Variants in PYCR3 observed in about 807,000 individuals in gnomAD.
PYCR3 encodes pyrroline-5-carboxylate reductase 3.
In PYCR3, 26 loss-of-function variants were observed where a neutral mutation model predicts 23.4. That is an observed-to-expected ratio of 1.11 (90% confidence interval 0.81 to 1.54). The LOEUF (loss-of-function observed/expected upper bound fraction) is 1.54, where lower values mean the gene tolerates loss of function less well. Ranked by LOEUF, PYCR3 falls within the 40% of genes most tolerant of loss-of-function variation. The pLI, the probability that PYCR3 is intolerant of heterozygous loss-of-function variation, is 0.00. For synonymous variants in PYCR3, 194 were observed against 162.6 expected, an observed-to-expected ratio of 1.19 and a Z score of -1.47; for missense variants, 360 against 376.3, an observed-to-expected ratio of 0.96 and a Z score of 0.36.
In PYCR3 at chr8:143,605,628, C is replaced by T. The variant is rs1442654451; in HGVS notation, c.*72G>A. On this transcript the variant is annotated 3_prime_UTR_variant, in exon 6 of 6. Coordinates refer to ENST00000495276, the MANE Select transcript of PYCR3 (RefSeq NM_023078.6). ...GACCCTCATGCAGGAGGGAGGGAGC[C>T]GCAGTCCTCAGGGGAAGGGACACAG... The T allele has an allele frequency of 1.5e-5, 20 of 1,377,604 alleles. 1 individual carries two copies. The highest frequency in any genetic ancestry group is 1.1e-4 in the South Asian group (8 of 75,412). The allele number at this position is 1,377,604 out of a possible 1,614,324, so 85.3% of individuals were successfully genotyped here.
Position 143,605,361 on chromosome 8 carries a change from T to A in PYCR3, c.*339A>T, listed in dbSNP as rs559818784. On this transcript the variant is annotated 3_prime_UTR_variant, in exon 6 of 6. Coordinates refer to ENST00000495276, the MANE Select transcript of PYCR3 (RefSeq NM_023078.6). ...TGCCTGTTACCGTAAGTTCTGTTCA[T>A]GGCCTCAACCAACTGCCCAACCATG... 1 of 392,110 alleles carries A rather than the reference T, an allele frequency of 2.6e-6. No homozygotes were observed. Among genetic ancestry groups the A allele is most frequent in the Non-Finnish European group, 4.7e-6 (1 of 212,892 alleles). 24.3% of individuals were successfully genotyped at this position (392,110 alleles called of 1,614,324 possible).
rs1223826519 is a variant in PYCR3, at chr8:143,608,076, G to A, written c.142C>T (p.Leu48=). The A allele has an allele frequency of 3.1e-6, 5 of 1,613,660 alleles. No homozygotes were observed. Among genetic ancestry groups the A allele is most frequent in the Non-Finnish European group, 2.5e-6 (3 of 1,179,640 alleles). The change falls in exon 2 of 6, where the codon CTA becomes TTA. Residue 48 remains leucine (L), a synonymous_variant. Transcript: ENST00000495276. ...TCTATGCTCACTTGAAAGTGACATAGGTTCCTGTCTGTTGGTGCACTGGCC... is the reference window on the plus strand; with the variant it reads ...TCTATGCTCACTTGAAAGTGACATAAGTTCCTGTCTGTTGGTGCACTGGCC... ...ILASAPTDRN[L]CHFQALGCRT...
At chr8:143,609,413 G>A (rs761939240) in intron 1 of PYCR3, 45 bp downstream of exon 1, 8 of 1,456,348 alleles carry the variant, frequency 5.5e-6, no homozygotes, top group Non-Finnish European at 7.2e-6. Flanking sequence ...CTCCCACGGG[G>A]CTGCTCCCAC....
Position 143,606,118 on chromosome 8 carries a change from C to A in PYCR3, c.586G>T (p.Val196Phe). ...AFSEALAEGA[V>F]KMGMPSSLAH... is the part of the protein sequence containing the mutation. The stretch of plus-strand genomic sequence containing the variant: ...AGGCTGCTGGGCATGCCCATCTTGA[C>A]GGCTCCTTCAGCCAGGGCCTCGGAG... Residue 196 changes from valine to phenylalanine, a missense_variant, in exon 5 of 6, where the codon GTC (valine) becomes TTC (phenylalanine). Coordinates refer to ENST00000495276, the MANE Select transcript of PYCR3 (RefSeq NM_023078.6). The A allele has an allele frequency of 6.2e-7, 1 of 1,610,692 alleles. No individual in the cohort carries two copies. The highest frequency in any genetic ancestry group is 8.5e-7 in the Non-Finnish European group (1 of 1,179,154).
rs142512194 is a variant in PYCR3 at position 143,606,505 on chromosome 8, C to A, written c.511G>T (p.Asp171Tyr). 1.2e-6 allele frequency: 2 copies of A among 1,612,804 alleles called. No individual in the cohort carries two copies. Among genetic ancestry groups the A allele is most frequent in the Admixed American group, 1.7e-5 (1 of 60,002 alleles). The part of the protein sequence containing the change: ...RCEEVPEAYV[D>Y]IHTGLSGSGV... ...CTGCCACTGAGGCCAGTGTGGATGT[C>A]GACGTAGGCTTCAGGCACCTCCTCA... is the stretch of plus-strand genomic sequence containing the variant. The change falls in exon 4 of 6, where the codon GAC becomes TAC. Residue 171 changes from aspartate (D) to tyrosine (Y), a missense_variant. Transcript: ENST00000495276.
chr8:143,606,710 C>G, intron 3 of PYCR3, 31 bp from the exon 4 acceptor site: 1 of 1,555,570 alleles, frequency 6.4e-7, no homozygotes, highest in Non-Finnish European at 8.7e-7. Context: ...ATCAGGGAGT[C>G]TGTAGGACTG....
At position 143,603,700 on chromosome 8, in the gene PYCR3, G is replaced by C. The variant is rs1016148184; in HGVS notation, c.*2000C>G. 1.3e-5 allele frequency among the ~76,000 whole-genome samples: 2 copies of C among 152,194 alleles called. No individual in the cohort carries two copies. Among genetic ancestry groups the C allele is most frequent in the Non-Finnish European group, 2.9e-5 (2 of 68,028 alleles). On this transcript the variant is annotated 3_prime_UTR_variant, in exon 6 of 6. Transcript: ENST00000495276. ...ACCCCAGGCTCCCAGGCCTGCCCAG[G>C]CTTGGCATACAGTCCCCTGGGGTGA...
chr8:143,606,218 G>A, intron 4 of PYCR3, 64 bp from the exon 5 acceptor site: 1 of 1,480,126 alleles, frequency 6.8e-7, no homozygotes, highest in South Asian at 1.2e-5. Flanking sequence ...AGGACCTTCA[G>A]GAACAATGCC....
At chr8:143,608,816 C>T (rs1477811800) in intron 1 of PYCR3, 1 of 456,592 alleles carries the variant, frequency 2.2e-6, no homozygotes. Context: ...GGGAAGACTC[C>T]TGAGACTCAT....
intron 1 of PYCR3, chr8:143,608,363 C>T: frequency 1.8e-6 from 1 of 559,246 alleles, no homozygotes; most frequent in South Asian, 2.1e-5. Context: ...AGGCCAGGAG[C>T]TTACCTCATT....
intron 5 of PYCR3, 36 bp from the exon 6 acceptor site, chr8:143,605,918 G>GTGGT: frequency 6.3e-7 from 1 of 1,583,558 alleles, no homozygotes; most frequent in Non-Finnish European, 8.6e-7. Flanking sequence ...ACGGGGGGAG[G>GTGGT]TGGTGCGGTC....
chr8:143,608,631 G>A (rs531739162), intron 1 of PYCR3: 1 of 320,168 alleles, frequency 3.1e-6, no homozygotes, highest in Admixed American at 4.2e-5. Flanking sequence ...GGAAAGATTG[G>A]GTTAGATTTT....
rs762489370 is a variant in PYCR3 at position 143,604,983 on chromosome 8, G to A, written c.*717C>T. 2.1e-6 allele frequency: 1 copy of A among 486,646 alleles called. No homozygotes were observed. The highest frequency in any genetic ancestry group is 4.1e-6 in the Non-Finnish European group (1 of 244,454). The allele number at this position is 486,646 out of a possible 1,614,324, so 30.1% of individuals were successfully genotyped here. On this transcript the variant is annotated 3_prime_UTR_variant, in exon 6 of 6. Coordinates refer to ENST00000495276, the MANE Select transcript of PYCR3 (RefSeq NM_023078.6). ...CAGGGGTCTGCATGTGTCCTGGCTGGCCAGGGCCACCCTCCCAGACCTCAA... is the reference window on the plus strand; with the variant it reads ...CAGGGGTCTGCATGTGTCCTGGCTGACCAGGGCCACCCTCCCAGACCTCAA...
chr8:143,605,703 C>T lies in PYCR3; in HGVS notation c.822G>A (p.Lys274=). Reference sequence around the variant, plus strand: ...GAAAGGATGGCCAGAGCCCAGCCTACTTTCTGCTGAGCTCCTTGGCCCGGC... The same window carrying T: ...GAAAGGATGGCCAGAGCCCAGCCTATTTTCTGCTGAGCTCCTTGGCCCGGC... ...ATCRAKELSR[K] The change falls in exon 6 of 6, where the codon AAG becomes AAA. Residue 274 remains lysine, a synonymous_variant. Transcript: ENST00000495276. 4 of 1,594,854 alleles carry T rather than the reference C, an allele frequency of 2.5e-6. No individual in the cohort carries two copies. The highest frequency in any genetic ancestry group is 3.4e-6 in the Non-Finnish European group (4 of 1,166,638).
At chr8:143,607,258 T>C in intron 2 of PYCR3, 126 bp from the exon 3 acceptor site, 1 of 915,894 alleles carries the variant, frequency 1.1e-6, no homozygotes, top group Non-Finnish European at 1.6e-6. Context: ...TGCAAGTGTC[T>C]AGACCACCCC....
Position 143,604,318 on chromosome 8 carries a change from T to C in PYCR3, c.*1382A>G. The C allele has an allele frequency of 6.5e-6, 1 of 154,032 alleles. No individual in the cohort carries two copies. The highest frequency in any genetic ancestry group is 1.4e-5 in the Non-Finnish European group (1 of 69,364). 9.5% of individuals were successfully genotyped at this position (154,032 alleles called of 1,614,324 possible). On this transcript the variant is annotated 3_prime_UTR_variant, in exon 6 of 6. Coordinates refer to ENST00000495276, the MANE Select transcript of PYCR3 (RefSeq NM_023078.6). The stretch of plus-strand genomic sequence containing the variant: ...GCCAGGCTTGGACCAAGCAGTCAAC[T>C]GAGTCAGCCTGCCCTGGGAACCAGG...
Position 143,604,947 on chromosome 8 carries a change from C to A in PYCR3, c.*753G>T. The A allele has an allele frequency of 2.0e-6, 1 of 507,030 alleles. No homozygotes were observed. 31.4% of individuals were successfully genotyped at this position (507,030 alleles called of 1,614,324 possible). A position where few individuals can be genotyped will look rare whatever the true frequency, so the allele number is the denominator to read the frequency against. On this transcript the variant is annotated 3_prime_UTR_variant, in exon 6 of 6. Coordinates refer to ENST00000495276, the MANE Select transcript of PYCR3 (RefSeq NM_023078.6). ...TGGGAGGAAAGAGGGAGCCTGTATCCAGACTAAAGCCAGGGGTCTGCATGT... is the reference window on the plus strand; with the variant it reads ...TGGGAGGAAAGAGGGAGCCTGTATCAAGACTAAAGCCAGGGGTCTGCATGT...
chr8:143,607,059 T>G lies in PYCR3; in HGVS notation c.230A>C (p.Lys77Thr). 1 of 1,613,094 alleles carries G rather than the reference T, an allele frequency of 6.2e-7. No homozygotes were observed. ...QSCLLVIFAT[K>T]PHVLPAVLAE... ...CAGGACAGCTGGCAGCACATGAGGC[T>G]TGGTGGCAAAGATGACGAGCAGGCA... is the stretch of plus-strand genomic sequence containing the variant. Residue 77 changes from lysine (K) to threonine (T), a missense_variant, in exon 3 of 6, where the codon AAG becomes ACG. Coordinates refer to ENST00000495276, the MANE Select transcript of PYCR3 (RefSeq NM_023078.6).
chr8:143,606,368 C>G, intron 4 of PYCR3, 99 bp downstream of exon 4: 2 of 1,352,766 alleles, frequency 1.5e-6, no homozygotes, highest in East Asian at 4.6e-5. Flanking sequence ...ACCACGCAGG[C>G]CTCAAGGTTG....
Sources: gnomAD v4.1 joint callset for allele counts (sites outside exome capture counted in the v4.1 genomes callset) on GRCh38, gnomAD v4.1.1 for gene constraint, MANE v1.5 for transcripts, NCBI Gene and HGNC (gene_info 2026-07-23, HGNC 2026-07-21) for gene names.